The following PDS5B variants were observed in gnomAD, a reference collection of about 807,000 sequenced individuals.
The protein encoded by PDS5B is PDS5 cohesin associated factor B, also known as sister chromatid cohesion protein PDS5 homolog B.
PDS5B carries 51 observed loss-of-function variants against 184.1 expected under a neutral mutation model. That is an observed-to-expected ratio of 0.28 (90% CI 0.22 to 0.35). PDS5B has a LOEUF of 0.35. PDS5B is among the 10% of genes least tolerant of loss of function. The pLI is 1.00. For missense variants in PDS5B, 1,180 were observed against 1,723.3 expected, an observed-to-expected ratio of 0.68 and a Z score of 5.58; for synonymous variants, 566 against 569.2, an observed-to-expected ratio of 0.99 and a Z score of 0.08.
chr13:32,660,248 G>T (rs1014105609), intron 6 of PDS5B, among the ~76,000 whole-genome samples: 2 of 152,164 alleles, frequency 1.3e-5, no homozygotes, highest in African/African-American at 2.4e-5. Flanking sequence ...AAGTAGACCT[G>T]CAGAGGCTCT....
At chr13:32,720,728 G>A (rs1952643773) in intron 19 of PDS5B, among the ~76,000 whole-genome samples, 1 of 152,118 alleles carries the variant, frequency 6.6e-6, no homozygotes, top group African/African-American at 2.4e-5. Context: ...ATAGTGGAGA[G>A]AAGGTCAGCA....
chr13:32,655,374 A>ATATTTTTTTTTTTTT, intron 3 of PDS5B, among the ~76,000 whole-genome samples: 1 of 72,484 alleles, frequency 1.4e-5, no homozygotes, highest in Non-Finnish European at 2.2e-5. Context: ...ATATATATAT[A>ATATTTTTTTTTTTTT]TTTTTTTTTT....
chr13:32,683,671 TGTTATTACTCAATTGGATGTCAAGGCTC>T (rs1951310501), intron 10 of PDS5B, among the ~76,000 whole-genome samples, 179 bp from the exon 11 acceptor site: 2 of 152,200 alleles, frequency 1.3e-5, no homozygotes, highest in African/African-American at 2.4e-5. Context: ...GAGAGGAGGC[TGTTATTACTCAATTGGATGTCAAGGCTC>T]TTTTTTGACT....
In PDS5B at chr13:32,741,061, T is replaced by TTC; in HGVS notation, c.2407-18_2407-17insCT. On this transcript the variant is annotated intron_variant, in intron 21 of 34. Coordinates refer to ENST00000315596, the MANE Select transcript of PDS5B (RefSeq NM_015032.4). ...ATTTTAAAGTCCCTGGTTTTTTTTTTTTTCTCGTTTATTTTTAGCTTCCAG... is the reference window on the plus strand; with the variant it reads ...ATTTTAAAGTCCCTGGTTTTTTTTTTTCTTTCTCGTTTATTTTTAGCTTCCAG... 7.3e-7 allele frequency: 1 copy of TTC among 1,365,556 alleles called. No homozygotes were observed. Among genetic ancestry groups the TTC allele is most frequent in the Non-Finnish European group, 1.0e-6 (1 of 974,380 alleles). The allele number at this position is 1,365,556 out of a possible 1,614,324, so 84.6% of individuals were successfully genotyped here. A position where few individuals can be genotyped will look rare whatever the true frequency, so the allele number is the denominator to read the frequency against.
intron 33 of PDS5B, chr13:32,770,988 A>C (rs979546607): frequency 1.6e-5 from 8 of 511,338 alleles, no homozygotes; most frequent in African/African-American, 1.2e-4. Context: ...CAAATAGTAT[A>C]TTATTTCCTA....
At chr13:32,588,859 G>A (rs1186354773) in intron 1 of PDS5B, among the ~76,000 whole-genome samples, 1 of 152,244 alleles carries the variant, frequency 6.6e-6, no homozygotes, top group Admixed American at 6.5e-5. Context: ...TTAGGCCTAA[G>A]ATAAAGTGAT....
Position 32,770,651 on chromosome 13 carries a change from C to T in PDS5B, c.4065-3C>T. 1 of 1,608,392 alleles carries T rather than the reference C, an allele frequency of 6.2e-7. No homozygotes were observed. The highest frequency in any genetic ancestry group is 8.5e-7 in the Non-Finnish European group (1 of 1,177,710). ...ATCCACATTTGGGTCTTCCCCAAAG[C>T]AGAGCAGAATCTCCTGAATCTAGTG... On this transcript the variant is annotated splice_region_variant and splice_polypyrimidine_tract_variant and intron_variant, in intron 32 of 34. Transcript: ENST00000315596.
chr13:32,669,302 G>A (rs1464915518), intron 7 of PDS5B, among the ~76,000 whole-genome samples: 1 of 150,978 alleles, frequency 6.6e-6, no homozygotes, highest in Non-Finnish European at 1.5e-5. Context: ...TTTTTTTGGA[G>A]GGGAGGGGGG....
intron 3 of PDS5B, 53 bp downstream of exon 3, chr13:32,652,060 T>A (rs748758993): frequency 8.0e-7 from 1 of 1,251,972 alleles, no homozygotes; most frequent in East Asian, 2.3e-5. Context: ...GATTTATCTT[T>A]CTAACTAAAA....
chr13:32,606,897 C>T (rs2058068928), intron 1 of PDS5B, among the ~76,000 whole-genome samples: 1 of 152,198 alleles, frequency 6.6e-6, no homozygotes, highest in South Asian at 2.1e-4. Flanking sequence ...GTTCTCGTGC[C>T]ATGGTTTTCA....
At chr13:32,652,539 G>T (rs1013003508) in intron 3 of PDS5B, 2 of 145,944 alleles carry the variant, frequency 1.4e-5, no homozygotes, top group African/African-American at 5.2e-5. Flanking sequence ...TGAGTTTGAG[G>T]ACAGCTTGGG....
chr13:32,740,970 T>C, intron 21 of PDS5B, 110 bp from the exon 22 acceptor site: 1 of 666,124 alleles, frequency 1.5e-6, no homozygotes, highest in Non-Finnish European at 2.6e-6. Flanking sequence ...ATATAACAAA[T>C]GTCACTGCAG....
Position 32,659,209 on chromosome 13 carries a change from A to G in PDS5B, c.553A>G (p.Ile185Val), listed in dbSNP as rs201417958. The part of the protein sequence containing the change: ...MHMVDLMSSI[I>V]CEGDTVSQEL... Reference sequence around the variant, plus strand: ...CATGGTAGACCTTATGAGCTCTATTATTTGTGAAGGTGATACAGTGTCTCA... The same window carrying G: ...CATGGTAGACCTTATGAGCTCTATTGTTTGTGAAGGTGATACAGTGTCTCA... Residue 185 changes from isoleucine to valine, a missense_variant, in exon 6 of 35, where the codon ATT becomes GTT. Physicochemically the swap from Ile to Val is conservative, Grantham distance 29. Transcript: ENST00000315596. 2.5e-5 allele frequency: 40 copies of G among 1,603,204 alleles called. No homozygotes were observed. Among genetic ancestry groups the G allele is most frequent in the Non-Finnish European group, 7.7e-6 (9 of 1,173,008 alleles).
chr13:32,740,966 C>A, intron 21 of PDS5B, 114 bp from the exon 22 acceptor site: 5 of 608,374 alleles, frequency 8.2e-6, no homozygotes, highest in East Asian at 3.0e-5. Flanking sequence ...TCATATATAA[C>A]AAATGTCACT....
At chr13:32,721,288 G>A (rs1952675780) in intron 19 of PDS5B, among the ~76,000 whole-genome samples, 1 of 151,344 alleles carries the variant, frequency 6.6e-6, no homozygotes, top group Admixed American at 6.6e-5. Flanking sequence ...CCTCCCAGAC[G>A]GGGTGGCTGC....
intron 19 of PDS5B, among the ~76,000 whole-genome samples, chr13:32,713,186 A>G (rs1195477785): frequency 1.3e-5 from 2 of 152,202 alleles, no homozygotes; most frequent in African/African-American, 2.4e-5. Context: ...TTCCTATGCT[A>G]CTTAGCCAGG....
At chr13:32,616,877 T>C (rs918583931) in intron 1 of PDS5B, among the ~76,000 whole-genome samples, 3 of 152,216 alleles carry the variant, frequency 2.0e-5, no homozygotes, top group Admixed American at 6.5e-5. Context: ...AAAGTAGTAT[T>C]TATCATAGTA....
At chr13:32,633,183 A>G (rs1449248551) in intron 1 of PDS5B, among the ~76,000 whole-genome samples, 2 of 152,208 alleles carry the variant, frequency 1.3e-5, no homozygotes, top group Non-Finnish European at 2.9e-5. Flanking sequence ...GTTATTGCTT[A>G]ATGGTTACAA....
At chr13:32,749,922 A>G (rs1953913476) in intron 24 of PDS5B, among the ~76,000 whole-genome samples, 1 of 152,064 alleles carries the variant, frequency 6.6e-6, no homozygotes, top group Non-Finnish European at 1.5e-5. Context: ...TTGAGGGTAC[A>G]TTTTTTTCAG....
Sources: gnomAD v4.1 joint callset for allele counts (sites outside exome capture counted in the v4.1 genomes callset) on GRCh38, gnomAD v4.1.1 for gene constraint, MANE v1.5 for transcripts, NCBI Gene and HGNC (gene_info 2026-07-23, HGNC 2026-07-21) for gene names.